The following DCUN1D2 variants were observed in gnomAD, a reference collection of about 807,000 sequenced individuals.
DCUN1D2 encodes DCN1-like protein 2.
A neutral mutation model predicts 30.9 loss-of-function variants in DCUN1D2; 29 were observed. That is an observed-to-expected ratio of 0.94 (90% confidence interval 0.70 to 1.28). The LOEUF is 1.28. Among genes scored for constraint, DCUN1D2 ranks in the 50% most tolerant of loss-of-function variants. The pLI is 0.00. For missense variants in DCUN1D2, 325 were observed against 316.9 expected (o/e 1.03, Z -0.19); for synonymous variants, 121 against 115.3 (o/e 1.05, Z -0.32).
At chr13:113,462,872 A>G (rs1409166680) in intron 4 of DCUN1D2, 3 of 1,261,114 alleles carry the variant, frequency 2.4e-6, no homozygotes, top group East Asian at 5.5e-5. Context: ...AAGCTTTCAC[A>G]TTGAGAAATG....
At chr13:113,483,783 G>A (rs2139740743) in intron 2 of DCUN1D2, 57 bp downstream of exon 2, 3 of 1,552,378 alleles carry the variant, frequency 1.9e-6, no homozygotes, top group Non-Finnish European at 2.6e-6. Flanking sequence ...GAAGTGCAGC[G>A]CGCAGGCCGC....
At chr13:113,462,936 T>C in intron 4 of DCUN1D2, 4 of 1,167,212 alleles carry the variant, frequency 3.4e-6, no homozygotes, top group Non-Finnish European at 4.3e-6. Context: ...ACATTTAATC[T>C]AGTTACTTTG....
intron 1 of DCUN1D2, among the ~76,000 whole-genome samples, chr13:113,485,763 G>A (rs966405420): frequency 2.0e-5 from 3 of 151,658 alleles, no homozygotes; most frequent in Admixed American, 2.0e-4. Context: ...ATACTCTCCC[G>A]TGTGCATCTG....
chr13:113,462,206 T>G (rs1052625756), intron 4 of DCUN1D2, among the ~76,000 whole-genome samples: 1 of 150,386 alleles, frequency 6.6e-6, no homozygotes, highest in Non-Finnish European at 1.5e-5. Context: ...GAGCCGAGAT[T>G]GCGCCACTGC....
chr13:113,487,911 G>A (rs994580069), intron 1 of DCUN1D2, among the ~76,000 whole-genome samples: 2 of 152,170 alleles, frequency 1.3e-5, no homozygotes, highest in African/African-American at 4.8e-5. Flanking sequence ...CCAATCAGCA[G>A]ACTAATATAC....
chr13:113,475,644 T>C (rs185880089), intron 3 of DCUN1D2, among the ~76,000 whole-genome samples: 1 of 152,190 alleles, frequency 6.6e-6, no homozygotes, highest in African/African-American at 2.4e-5. Context: ...CCCAGTGCTT[T>C]GAGAGGTGGA....
intron 2 of DCUN1D2, among the ~76,000 whole-genome samples, chr13:113,481,899 T>G (rs1356580508): frequency 6.8e-6 from 1 of 146,174 alleles, no homozygotes; most frequent in Non-Finnish European, 1.5e-5. Flanking sequence ...GGTAACAAAA[T>G]GAAGAAAGCC....
Position 113,459,333 on chromosome 13 carries a change from T to C in DCUN1D2, c.679A>G (p.Met227Val), listed in dbSNP as rs890637345. The C allele has an allele frequency of 2.8e-5, 45 of 1,594,534 alleles. No homozygotes were observed. The highest frequency in any genetic ancestry group is 3.1e-5 in the Non-Finnish European group (36 of 1,162,302). Residue 227 changes from methionine (M) to valine (V), a missense_variant, in exon 6 of 7, where the codon ATG becomes GTG. Transcript: ENST00000478244. ...LDFGNMIADD[M>V]SNYDEEGAWP... The stretch of plus-strand genomic sequence containing the variant: ...GTACCTTCTTCATCGTAGTTAGACA[T>C]ATCATCCGCAATCATGTTTCCAAAG...
Position 113,458,199 on chromosome 13 carries a change from C to A in DCUN1D2, c.701-91G>T, listed in dbSNP as rs540530468. On this transcript the variant is annotated intron_variant, in intron 6 of 6. Coordinates refer to ENST00000478244, the MANE Select transcript of DCUN1D2 (RefSeq NM_001014283.2). ...ACACATCAATCCAACATTTACACTT[C>A]AAGAACCCAAATGACTTGAGGTCCA... The A allele has an allele frequency of 7.4e-6, 8 of 1,083,074 alleles. No homozygotes were observed. The South Asian group carries it at 7.6e-5, about 10-fold the overall frequency. 67.1% of individuals were successfully genotyped at this position (1,083,074 alleles called of 1,614,324 possible).
In DCUN1D2 at chr13:113,484,008, A is replaced by C; in HGVS notation, c.52T>G (p.Cys18Gly). ...QKDKVRQFMA[C>G]TQAGERTAIY... ...GCAGTTCTCTCGCCAGCCTGAGTGC[A>C]CGCCATAAACTGGCGGACCTTGTCC... The change falls in exon 2 of 7, where the codon TGC becomes GGC. Residue 18 changes from cysteine (C) to glycine (G), a missense_variant. By Grantham distance (159) the Cys-to-Gly change is radical. Transcript: ENST00000478244. The C allele has an allele frequency of 6.2e-7, 1 of 1,614,194 alleles. No homozygotes were observed. The highest frequency in any genetic ancestry group is 8.5e-7 in the Non-Finnish European group (1 of 1,180,052).
chr13:113,458,996 A>G (rs575277356), intron 6 of DCUN1D2, among the ~76,000 whole-genome samples: 47 of 152,300 alleles, frequency 3.1e-4, no homozygotes, highest in African/African-American at 9.9e-4. Context: ...TGTGGAACTG[A>G]CCTAAGGCAT....
rs995152334 is a variant in DCUN1D2 at position 113,456,167 on chromosome 13, T to A, written c.*1862A>T. 5 of 398,506 alleles carry A rather than the reference T, an allele frequency of 1.3e-5. No homozygotes were observed. The allele number at this position is 398,506 out of a possible 1,614,324, so 24.7% of individuals were successfully genotyped here. Reference sequence around the variant, plus strand: ...AAATGCTCTCTGAGAATCGAAGACTTCTAAAGGTAGACAGGCCCAGTTTCC... The same window carrying A: ...AAATGCTCTCTGAGAATCGAAGACTACTAAAGGTAGACAGGCCCAGTTTCC... On this transcript the variant is annotated 3_prime_UTR_variant, in exon 7 of 7. Transcript: ENST00000478244.
intron 4 of DCUN1D2, among the ~76,000 whole-genome samples, chr13:113,468,640 G>C (rs2044449060): frequency 1.3e-5 from 2 of 152,214 alleles, no homozygotes; most frequent in South Asian, 4.1e-4. Flanking sequence ...CGGCCTATGA[G>C]GACGCAGCAC....
rs1219118904 is a variant in DCUN1D2, at chr13:113,461,076, T to C, written c.581A>G (p.Asp194Gly). 4 of 1,609,838 alleles carry C rather than the reference T, an allele frequency of 2.5e-6. No individual in the cohort carries two copies. The highest frequency in any genetic ancestry group is 3.4e-6 in the Non-Finnish European group (4 of 1,177,042). Residue 194 changes from aspartate to glycine, a missense_variant, in exon 5 of 7, where the codon GAT becomes GGT. By Grantham distance (94) the Asp-to-Gly change is moderately conservative. Coordinates refer to ENST00000478244, the MANE Select transcript of DCUN1D2 (RefSeq NM_001014283.2). ...LVLSGRFKFL[D>G]LWNTFLMEHH... ...TACCATTAAGAATGTGTTCCAGAGATCTAAAAATTTAAACCTTCCAGATAA... is the reference window on the plus strand; with the variant it reads ...TACCATTAAGAATGTGTTCCAGAGACCTAAAAATTTAAACCTTCCAGATAA...
chr13:113,477,140 G>A (rs1265708071), intron 3 of DCUN1D2, among the ~76,000 whole-genome samples: 1 of 152,128 alleles, frequency 6.6e-6, no homozygotes, highest in Non-Finnish European at 1.5e-5. Context: ...CGTTTTCATA[G>A]AAATTTCAAA....
intron 3 of DCUN1D2, among the ~76,000 whole-genome samples, chr13:113,477,702 G>GT (rs768564510): frequency 0.018 from 2,498 of 137,074 alleles, 54 homozygotes; most frequent in East Asian, 0.12. Flanking sequence ...TTTTCTATGA[G>GT]TTTTTTTTTT....
intron 4 of DCUN1D2, among the ~76,000 whole-genome samples, chr13:113,463,530 A>T (rs1450328279): frequency 7.2e-6 from 1 of 139,570 alleles, no homozygotes; most frequent in Non-Finnish European, 1.6e-5. Flanking sequence ...TCACCTCTTT[A>T]AAAAAAAAAA....
chr13:113,470,669 CCAACTCCACAGGGGACG>C (rs1278437842), intron 4 of DCUN1D2, among the ~76,000 whole-genome samples: 3 of 145,748 alleles, frequency 2.1e-5, no homozygotes, highest in South Asian at 2.2e-4. Context: ...CACGCAAGAC[CCAACTCCACAGGGGACG>C]CAACTCCACA....
Position 113,490,112 on chromosome 13 carries a change from C to G in DCUN1D2, c.3+555G>C, listed in dbSNP as rs908295810. On this transcript the variant is annotated intron_variant, in intron 1 of 6. Coordinates refer to ENST00000478244, the MANE Select transcript of DCUN1D2 (RefSeq NM_001014283.2). This position sits in a 1 kb window ranked among gnomAD's most constrained non-coding sequence, Gnocchi z 5.2. ...CTCCCTCCTGCGCTGCGGAACTCTA[C>G]CAGCTCCACAGATGCACACCTACAG... is the stretch of plus-strand genomic sequence containing the variant. Among the ~76,000 whole-genome samples, 3 of 152,218 alleles carry G rather than the reference C, an allele frequency of 2.0e-5. No individual in the cohort carries two copies. The highest frequency in any genetic ancestry group is 7.2e-5 in the African/African-American group (3 of 41,456).
Sources: gnomAD v4.1 joint callset for allele counts (sites outside exome capture counted in the v4.1 genomes callset) on GRCh38, gnomAD v4.1.1 for gene constraint, Gnocchi (gnomAD v3.1) non-coding constraint, MANE v1.5 for transcripts, NCBI Gene and HGNC (gene_info 2026-07-23, HGNC 2026-07-21) for gene names.